TMEM185A: variants seen among roughly 807,000 people sequenced by gnomAD.
TMEM185A encodes family with sequence similarity 11, member A.
A neutral mutation model predicts 25.0 loss-of-function variants in TMEM185A; 9 were observed. That is an observed-to-expected ratio of 0.36 (90% CI 0.22 to 0.63). The LOEUF (loss-of-function observed/expected upper bound fraction) is 0.63, where lower values mean the gene tolerates loss of function less well. TMEM185A is among the 20% of genes least tolerant of loss of function. The pLI is 0.68. For synonymous variants in TMEM185A, 45 were observed against 93.5 expected, an observed-to-expected ratio of 0.48 and a Z score of 2.99; for missense variants, 103 against 237.4, an observed-to-expected ratio of 0.43 and a Z score of 3.72.
intron 1 of TMEM185A, among the ~76,000 whole-genome samples, chrX:149,621,811 G>A (rs2090141066): frequency 1.8e-5 from 2 of 111,774 alleles, no homozygotes; most frequent in Admixed American, 1.9e-4. Context: ...GAATCACTCT[G>A]ACCTCCTTTT....
chrX:149,622,818 C>A (rs73640683), intron 1 of TMEM185A, among the ~76,000 whole-genome samples: 2,206 of 111,864 alleles, frequency 0.02, 48 homozygotes, highest in African/African-American at 0.068. Context: ...GGAATCTGGG[C>A]AACAAGTTGG....
intron 3 of TMEM185A, among the ~76,000 whole-genome samples, chrX:149,604,407 C>T (rs1185390472): frequency 8.9e-6 from 1 of 111,994 alleles, no homozygotes; most frequent in Non-Finnish European, 1.9e-5. Context: ...ACCAACAATA[C>T]TGTCTACTCG....
chrX:149,616,918 T>C (rs1557355092), intron 1 of TMEM185A, among the ~76,000 whole-genome samples: 1 of 112,534 alleles, frequency 8.9e-6, no homozygotes. Flanking sequence ...CACAATGTAG[T>C]ACTGGCATAA....
At chrX:149,621,993 G>A (rs994868011) in intron 1 of TMEM185A, among the ~76,000 whole-genome samples, 2 of 111,811 alleles carry the variant, frequency 1.8e-5, no homozygotes, top group Non-Finnish European at 3.8e-5. Context: ...ATTAGGATGT[G>A]GACATACTTG....
chrX:149,619,651 C>G (rs1468457011), intron 1 of TMEM185A, among the ~76,000 whole-genome samples: 4 of 108,449 alleles, frequency 3.7e-5, no homozygotes, highest in Non-Finnish European at 5.7e-5. Flanking sequence ...ATCCCTCCCC[C>G]CAACCCCCAC....
intron 2 of TMEM185A, among the ~76,000 whole-genome samples, chrX:149,610,388 A>G (rs1230207567): frequency 1.1e-5 from 1 of 89,866 alleles, no homozygotes; most frequent in Non-Finnish European, 2.1e-5. Context: ...AGATCACACC[A>G]TTGCACTCCA....
chrX:149,616,132 T>C (rs57165817), intron 1 of TMEM185A, among the ~76,000 whole-genome samples: 1 of 112,259 alleles, frequency 8.9e-6, no homozygotes, highest in East Asian at 2.8e-4. Flanking sequence ...CACTGGGGAC[T>C]AGAGTCAACT....
chrX:149,627,039 T>C (rs782370414), intron 1 of TMEM185A, among the ~76,000 whole-genome samples: 2 of 111,687 alleles, frequency 1.8e-5, no homozygotes, highest in Non-Finnish European at 1.9e-5. Flanking sequence ...TTATCTCAAC[T>C]GCAAAGAGGC....
At chrX:149,619,898 A>G (rs1429754773) in intron 1 of TMEM185A, among the ~76,000 whole-genome samples, 5 of 111,945 alleles carry the variant, frequency 4.5e-5, no homozygotes, top group Admixed American at 1.9e-4. Flanking sequence ...GATCCAGTCT[A>G]TCATTGTTGG....
chrX:149,604,601 A>G (rs1380472459), intron 3 of TMEM185A, among the ~76,000 whole-genome samples: 9 of 110,994 alleles, frequency 8.1e-5, no homozygotes, highest in African/African-American at 3.0e-4. Context: ...CTTCTCATTA[A>G]AAACAAAAGC....
At chrX:149,620,109 C>T (rs1255859663) in intron 1 of TMEM185A, among the ~76,000 whole-genome samples, 1 of 111,541 alleles carries the variant, frequency 9.0e-6, no homozygotes. Context: ...ACTAGAAATA[C>T]CATTTGACCC....
At chrX:149,628,387 G>A (rs1228145238) in intron 1 of TMEM185A, among the ~76,000 whole-genome samples, 11 of 112,235 alleles carry the variant, frequency 9.8e-5, no homozygotes, top group Middle Eastern at 4.6e-3. Flanking sequence ...GAAGCCTCAG[G>A]CATTCAAGGA....
At chrX:149,602,686 T>A (rs973268285) in intron 4 of TMEM185A, among the ~76,000 whole-genome samples, 1 of 112,261 alleles carries the variant, frequency 8.9e-6, no homozygotes, top group Non-Finnish European at 1.9e-5. Context: ...ATTACTAATC[T>A]TTTTTTTCCC....
intron 1 of TMEM185A, among the ~76,000 whole-genome samples, chrX:149,620,481 G>A (rs1007902800): frequency 2.7e-5 from 3 of 111,750 alleles, no homozygotes; most frequent in East Asian, 5.6e-4. Flanking sequence ...AAGGACATTC[G>A]TAAGTGAAGC....
chrX:149,615,185 C>G (rs1312802430), intron 1 of TMEM185A, among the ~76,000 whole-genome samples: 5 of 112,189 alleles, frequency 4.5e-5, no homozygotes, highest in African/African-American at 1.6e-4. Flanking sequence ...ATTTGAAAAT[C>G]AGTTAGCAAC....
intron 1 of TMEM185A, among the ~76,000 whole-genome samples, chrX:149,622,169 C>G (rs1809959829): frequency 8.9e-6 from 1 of 112,193 alleles, no homozygotes; most frequent in Admixed American, 9.4e-5. Flanking sequence ...TGGATGAAGA[C>G]AAGAGCAACA....
At chrX:149,613,703 T>C (rs1469073383) in intron 1 of TMEM185A, among the ~76,000 whole-genome samples, 3 of 112,179 alleles carry the variant, frequency 2.7e-5, no homozygotes, top group Non-Finnish European at 5.6e-5. Context: ...CTAATAAATA[T>C]AGCTTCAAAG....
At chrX:149,625,704 A>T in intron 1 of TMEM185A, among the ~76,000 whole-genome samples, 1 of 112,479 alleles carries the variant, frequency 8.9e-6, no homozygotes, top group Non-Finnish European at 1.9e-5. Flanking sequence ...AAAATGATAG[A>T]TGATCATAAA....
At chrX:149,609,390 A>G (rs2090069794) in intron 2 of TMEM185A, among the ~76,000 whole-genome samples, 1 of 113,025 alleles carries the variant, frequency 8.8e-6, no homozygotes, top group Non-Finnish European at 1.9e-5. Flanking sequence ...AATAAAACGT[A>G]TAAATGATTT....
Sources: allele counts gnomAD v4.1 joint callset (sites outside exome capture counted in the v4.1 genomes callset), GRCh38; gene constraint gnomAD v4.1.1; transcripts MANE v1.5; gene names NCBI Gene and HGNC (gene_info 2026-07-23, HGNC 2026-07-21).